The following PSTPIP1 variants were observed in gnomAD, a reference collection of about 807,000 sequenced individuals.
PSTPIP1 encodes proline-serine-threonine phosphatase-interacting protein 1.
In PSTPIP1, 66 loss-of-function variants were observed where a neutral mutation model predicts 69.6. That is an observed-to-expected ratio of 0.95 (90% CI 0.78 to 1.16). The LOEUF (loss-of-function observed/expected upper bound fraction) is 1.16, where lower values mean the gene tolerates loss of function less well. Among genes scored for constraint, PSTPIP1 ranks in the 50% most tolerant of loss-of-function variants. The pLI is 0.00. For missense variants in PSTPIP1, 603 were observed against 557.4 expected (o/e 1.08, Z -0.82); for synonymous variants, 266 against 222.7 (o/e 1.19, Z -1.73).
In PSTPIP1 at chr15:77,031,269, G is replaced by C. The variant is rs1450964803; in HGVS notation, c.732G>C (p.Lys244Asn). ...HSNQLSMQCV[K>N]DDELYEEVRL... ...ACCAGCTCTCCATGCAGTGTGTCAA[G>C]GATGATGAGGTGGGGGCTGAGGGCC... Residue 244 changes from lysine (K) to asparagine (N), a missense_variant, in exon 10 of 15, where the codon AAG becomes AAC. Coordinates refer to ENST00000558012, the MANE Select transcript of PSTPIP1 (RefSeq NM_003978.5). 6.2e-7 allele frequency: 1 copy of C among 1,612,802 alleles called. No individual in the cohort carries two copies. Among genetic ancestry groups the C allele is most frequent in the Admixed American group, 1.7e-5 (1 of 60,008 alleles).
chr15:76,996,346 C>T (rs1456498391), intron 1 of PSTPIP1, among the ~76,000 whole-genome samples: 1 of 152,242 alleles, frequency 6.6e-6, no homozygotes, highest in Non-Finnish European at 1.5e-5. Flanking sequence ...CCAGCTTGGA[C>T]CCCTGGTCAT....
intron 1 of PSTPIP1, among the ~76,000 whole-genome samples, chr15:77,001,155 T>G (rs866152693): frequency 6.6e-6 from 1 of 152,230 alleles, no homozygotes; most frequent in Non-Finnish European, 1.5e-5. Flanking sequence ...CTGCCAATTA[T>G]TTATTATTCT....
intron 14 of PSTPIP1, 38 bp downstream of exon 14, chr15:77,035,973 C>A (rs1466210913): frequency 1.9e-6 from 3 of 1,548,774 alleles, no homozygotes; most frequent in Admixed American, 1.9e-5. Context: ...TGTGCCACCT[C>A]CCCTGCACCT....
intron 1 of PSTPIP1, among the ~76,000 whole-genome samples, chr15:77,004,816 G>T (rs950911415): frequency 6.6e-6 from 1 of 151,846 alleles, no homozygotes; most frequent in South Asian, 2.1e-4. Context: ...CTGTATGATC[G>T]CACCACTGCA....
Position 77,008,216 on chromosome 15 carries a change from G to T in PSTPIP1, c.37-9932G>T, listed in dbSNP as rs914608883. Among the ~76,000 whole-genome samples, 45 of 152,274 alleles carry T rather than the reference G, an allele frequency of 3.0e-4. 1 individual carries two copies. Among genetic ancestry groups the T allele is most frequent in the African/African-American group, 1.0e-3 (42 of 41,570 alleles). ...GTGGGTGGGGTGTTTGGGGATATCTGTGAGGATTCTCACTGACCCTGAAAC... is the reference window on the plus strand; with the variant it reads ...GTGGGTGGGGTGTTTGGGGATATCTTTGAGGATTCTCACTGACCCTGAAAC... On this transcript the variant is annotated intron_variant, in intron 1 of 14. Coordinates refer to ENST00000558012, the MANE Select transcript of PSTPIP1 (RefSeq NM_003978.5).
rs560094760 is a variant in PSTPIP1, at chr15:77,034,935, C to T, written c.930-573C>T. Among the ~76,000 whole-genome samples, 167 of 152,370 alleles carry T rather than the reference C, an allele frequency of 1.1e-3. 1 individual carries two copies. Among genetic ancestry groups the T allele is most frequent in the South Asian group, 1.7e-3 (8 of 4,832 alleles). On this transcript the variant is annotated intron_variant, in intron 12 of 14. Coordinates refer to ENST00000558012, the MANE Select transcript of PSTPIP1 (RefSeq NM_003978.5). ...GGGGTAAAGTAGCCCAGCGCTGTCC[C>T]GGAACTCCTGTGAACAGGGTGGCTG... is the stretch of plus-strand genomic sequence containing the variant.
chr15:77,036,947 G>A lies in PSTPIP1; in HGVS notation c.1120-98G>A. The stretch of plus-strand genomic sequence containing the variant: ...TGCCCCTGCCCACCCTGGGAGACAT[G>A]CCGCATTTACTGCTGGGTGGGGGAA... On this transcript the variant is annotated intron_variant, in intron 14 of 14. Transcript: ENST00000558012. 3.3e-6 allele frequency: 5 copies of A among 1,505,390 alleles called. No individual in the cohort carries two copies. The South Asian group carries it at 6.2e-5, about 19-fold the overall frequency. 93.3% of individuals were successfully genotyped at this position (1,505,390 alleles called of 1,614,324 possible).
At chr15:76,997,005 A>G (rs1278379815) in intron 1 of PSTPIP1, among the ~76,000 whole-genome samples, 1 of 152,178 alleles carries the variant, frequency 6.6e-6, no homozygotes, top group East Asian at 1.9e-4. Context: ...TATCACTGAG[A>G]CCTCTGTCCA....
rs1402310900 is a variant in PSTPIP1 at position 77,037,129 on chromosome 15, A to T, written c.1204A>T (p.Asn402Tyr). Reference protein sequence around the residue: ...GEDGWWTVERNGQRGFVPGSY... With the variant: ...GEDGWWTVERYGQRGFVPGSY... ...GGATGGCTGGTGGACTGTGGAGAGG[A>T]ACGGGCAGCGTGGCTTCGTCCCTGG... The change falls in exon 15 of 15, where the codon AAC becomes TAC. Residue 402 changes from asparagine (N) to tyrosine (Y), a missense_variant. Transcript: ENST00000558012. The T allele has an allele frequency of 1.9e-6, 3 of 1,612,102 alleles. No homozygotes were observed. In the African/African-American group the frequency reaches 4.0e-5, roughly 22 times the overall value.
rs531094000 is a variant in PSTPIP1 at position 77,026,276 on chromosome 15, T to TG, written c.354+675dup. The TG allele has an allele frequency of 4.7e-3, 2,100 of 447,938 alleles. 14 individuals are homozygous for TG. Among genetic ancestry groups the TG allele is most frequent in the Non-Finnish European group, 5.9e-3 (1,319 of 222,924 alleles). 27.7% of individuals were successfully genotyped at this position (447,938 alleles called of 1,614,324 possible). A position where few individuals can be genotyped will look rare whatever the true frequency, so the allele number is the denominator to read the frequency against. ...GCAGGACGCAGACTGGCCTGGAGGCTGGGCTTGGGCCTGTGAGGATGGGGG... is the reference window on the plus strand; with the variant it reads ...GCAGGACGCAGACTGGCCTGGAGGCTGGGGCTTGGGCCTGTGAGGATGGGGG... On this transcript the variant is annotated intron_variant, in intron 5 of 14. Coordinates refer to ENST00000558012, the MANE Select transcript of PSTPIP1 (RefSeq NM_003978.5).
chr15:77,012,209 C>T lies in PSTPIP1; in HGVS notation c.37-5939C>T, dbSNP rs113840225. Among the ~76,000 whole-genome samples, 1,046 of 145,624 alleles carry T rather than the reference C, an allele frequency of 7.2e-3. 10 individuals carry two copies. Among genetic ancestry groups the T allele is most frequent in the African/African-American group, 0.025 (995 of 39,094 alleles). On this transcript the variant is annotated intron_variant, in intron 1 of 14. Coordinates refer to ENST00000558012, the MANE Select transcript of PSTPIP1 (RefSeq NM_003978.5). ...CCCATCCACCTGTCCATCCATCCAT[C>T]CGTCCACCCATCTGTCCATCCATCC...
At chr15:77,029,899 C>T (rs75674469) in intron 8 of PSTPIP1, among the ~76,000 whole-genome samples, 1,973 of 152,262 alleles carry the variant, frequency 0.013, 27 homozygotes, top group African/African-American at 0.036. Flanking sequence ...CCCAGGCCAT[C>T]GGGCTTCAGA....
Position 76,995,262 on chromosome 15 carries a change from T to C in PSTPIP1, c.-312T>C, listed in dbSNP as rs1466222154. 1.8e-5 allele frequency: 23 copies of C among 1,298,444 alleles called. No homozygotes were observed. The highest frequency in any genetic ancestry group is 3.3e-5 in the South Asian group (2 of 61,504). The allele number at this position is 1,298,444 out of a possible 1,614,324, so 80.4% of individuals were successfully genotyped here. Reference sequence around the variant, plus strand: ...CTGCTCCCTGCCCTGGGTCCCAGACTGTGTCCTCCATCACCGCAGGGTCGG... The same window carrying C: ...CTGCTCCCTGCCCTGGGTCCCAGACCGTGTCCTCCATCACCGCAGGGTCGG... On this transcript the variant is annotated 5_prime_UTR_variant, in exon 1 of 15. Transcript: ENST00000558012.
intron 1 of PSTPIP1, among the ~76,000 whole-genome samples, chr15:76,999,030 G>A (rs2075641083): frequency 1.3e-5 from 2 of 152,190 alleles, no homozygotes. Flanking sequence ...GAGCGGAGAG[G>A]GCACTGGCCT....
At chr15:77,017,673 G>A (rs1024417798) in intron 1 of PSTPIP1, among the ~76,000 whole-genome samples, 1 of 152,200 alleles carries the variant, frequency 6.6e-6, no homozygotes, top group Non-Finnish European at 1.5e-5. Flanking sequence ...ACAGCCTGGG[G>A]TTCAAGGCCA....
Position 77,037,400 on chromosome 15 carries a change from G to A in PSTPIP1, c.*224G>A, listed in dbSNP as rs1264718658. 4.4e-5 allele frequency: 22 copies of A among 495,452 alleles called. No individual in the cohort carries two copies. The South Asian group carries it at 5.2e-4, about 12-fold the overall frequency. 30.7% of individuals were successfully genotyped at this position (495,452 alleles called of 1,614,324 possible). On this transcript the variant is annotated 3_prime_UTR_variant, in exon 15 of 15. Transcript: ENST00000558012. ...TGTCCGAGTGCTCAGTTCAGAGGAGGCAAAGGAACAAGGGAAGGAGCCTGG... is the reference window on the plus strand; with the variant it reads ...TGTCCGAGTGCTCAGTTCAGAGGAGACAAAGGAACAAGGGAAGGAGCCTGG...
At position 76,995,299 on chromosome 15, in the gene PSTPIP1, G is replaced by A. The variant is rs1368007758; in HGVS notation, c.-275G>A. 7.3e-7 allele frequency: 1 copy of A among 1,368,414 alleles called. No individual in the cohort carries two copies. The highest frequency in any genetic ancestry group is 9.5e-7 in the Non-Finnish European group (1 of 1,057,046). The allele number at this position is 1,368,414 out of a possible 1,614,324, so 84.8% of individuals were successfully genotyped here. ...CACCGCAGGGTCGGTGAGGGGCTGGGCTGGACACCAGGGCCCGCCCTCCCA... is the reference window on the plus strand; with the variant it reads ...CACCGCAGGGTCGGTGAGGGGCTGGACTGGACACCAGGGCCCGCCCTCCCA... On this transcript the variant is annotated 5_prime_UTR_variant, in exon 1 of 15. Coordinates refer to ENST00000558012, the MANE Select transcript of PSTPIP1 (RefSeq NM_003978.5).
chr15:77,032,849 T>C lies in PSTPIP1; in HGVS notation c.839-13T>C, dbSNP rs1291838158. On this transcript the variant is annotated splice_polypyrimidine_tract_variant and intron_variant, in intron 11 of 14. Transcript: ENST00000558012. ...TGGGGGCCGCCCTGGGGCTCACGGC[T>C]TGCTGTCTGCAGCTCCGGTGCCCTA... The C allele has an allele frequency of 6.4e-7, 1 of 1,559,792 alleles. No homozygotes were observed. Among genetic ancestry groups the C allele is most frequent in the Non-Finnish European group, 8.7e-7 (1 of 1,151,734 alleles).
At chr15:76,999,186 G>A (rs978413038) in intron 1 of PSTPIP1, among the ~76,000 whole-genome samples, 2 of 152,246 alleles carry the variant, frequency 1.3e-5, no homozygotes, top group Admixed American at 1.3e-4. Context: ...GACAAGTGGG[G>A]TACTGGCTGA....
Sources: gnomAD v4.1 joint callset for allele counts (sites outside exome capture counted in the v4.1 genomes callset) on GRCh38, gnomAD v4.1.1 for gene constraint, MANE v1.5 for transcripts, NCBI Gene and HGNC (gene_info 2026-07-23, HGNC 2026-07-21) for gene names.